LRP2: variants seen among roughly 807,000 people sequenced by gnomAD.
The protein encoded by LRP2 is low-density lipoprotein receptor-related protein 2.
Under a neutral mutation model 531.0 loss-of-function variants are expected in LRP2, and 172 were observed. That is an observed-to-expected ratio of 0.32 (90% CI 0.29 to 0.37). The LOEUF is 0.37. Among genes scored for constraint, LRP2 ranks in the 10% least tolerant of loss-of-function variants. LRP2 has a pLI of 1.00. For synonymous variants in LRP2, 1,992 were observed against 2,027.6 expected (o/e 0.98, Z 0.47); for missense variants, 5,167 against 5,868.3 (o/e 0.88, Z 3.90).
At chr2:169,247,593 G>A (rs1350760013) in intron 19 of LRP2, 78 bp from the exon 20 acceptor site, 1 of 1,457,998 alleles carries the variant, frequency 6.9e-7, no homozygotes, top group South Asian at 1.1e-5. Context: ...AATGCAATAG[G>A]CTTGAAATGC....
chr2:169,199,043 G>C (rs1688099756), intron 44 of LRP2, 132 bp from the exon 45 acceptor site: 2 of 851,300 alleles, frequency 2.3e-6, no homozygotes, highest in Non-Finnish European at 3.7e-6. Flanking sequence ...CCATCAGAAA[G>C]GCAGGATCCA....
At chr2:169,319,441 G>A (rs181047127) in intron 2 of LRP2, among the ~76,000 whole-genome samples, 8 of 152,242 alleles carry the variant, frequency 5.3e-5, no homozygotes, top group Non-Finnish European at 8.8e-5. Context: ...ATGTGAAAGC[G>A]CCATGTAATG....
At chr2:169,160,579 A>G (rs945296321) in intron 63 of LRP2, among the ~76,000 whole-genome samples, 2 of 152,006 alleles carry the variant, frequency 1.3e-5, no homozygotes, top group Non-Finnish European at 2.9e-5. Flanking sequence ...GCCTCAAATT[A>G]TTAGTCCAGA....
At chr2:169,294,421 C>T (rs1259563745) in intron 5 of LRP2, among the ~76,000 whole-genome samples, 160 bp from the exon 6 acceptor site, 1 of 152,080 alleles carries the variant, frequency 6.6e-6, no homozygotes, top group East Asian at 1.9e-4. Context: ...AACAAAAAGG[C>T]CCTGGTTTGT....
intron 1 of LRP2, among the ~76,000 whole-genome samples, chr2:169,330,089 C>G (rs1685225778): frequency 6.6e-6 from 1 of 152,148 alleles, no homozygotes; most frequent in African/African-American, 2.4e-5. Flanking sequence ...CATCCCTCCC[C>G]CACCACCACC....
At chr2:169,321,354 A>G (rs540032085) in intron 1 of LRP2, among the ~76,000 whole-genome samples, 10 of 152,156 alleles carry the variant, frequency 6.6e-5, no homozygotes, top group Admixed American at 2.0e-4. Context: ...ACATATTAGT[A>G]ACTTAAAAAA....
At position 169,307,297 on chromosome 2, in the gene LRP2, A is replaced by G. The variant is rs776024368; in HGVS notation, c.411T>C (p.Ala137=). 1.2e-6 allele frequency: 2 copies of G among 1,612,534 alleles called. No homozygotes were observed. The highest frequency in any genetic ancestry group is 3.3e-5 in the Admixed American group (2 of 60,004). Residue 137 remains alanine, a synonymous_variant, in exon 4 of 79, where the codon GCT becomes GCC. Coordinates refer to ENST00000649046, the MANE Select transcript of LRP2 (RefSeq NM_004525.3). ...CAGACTCACGGCAGTCATTCTCATC[A>G]GCTCCATCGGGGCAGTCTCTGACGT... ...CDHVRDCPDG[A]DENDCQYPTC...
intron 7 of LRP2, among the ~76,000 whole-genome samples, chr2:169,291,273 A>G (rs1239404332): frequency 6.6e-6 from 1 of 152,190 alleles, no homozygotes; most frequent in African/African-American, 2.4e-5. Context: ...ATTATCGACA[A>G]ACTAAATTCA....
chr2:169,255,000 A>G (rs1019908205), intron 19 of LRP2, among the ~76,000 whole-genome samples: 12 of 152,142 alleles, frequency 7.9e-5, no homozygotes, highest in Non-Finnish European at 1.0e-4. Flanking sequence ...AACAGACAGC[A>G]GGACAAGATA....
At chr2:169,335,962 C>T (rs1195701603) in intron 1 of LRP2, among the ~76,000 whole-genome samples, 1 of 150,890 alleles carries the variant, frequency 6.6e-6, no homozygotes, top group Non-Finnish European at 1.5e-5. Context: ...TTGCAGTGAG[C>T]CAAGATAGTG....
chr2:169,128,319 G>T lies in LRP2; in HGVS notation c.*344C>A. On this transcript the variant is annotated 3_prime_UTR_variant, in exon 79 of 79. Transcript: ENST00000649046. ...TCCCCAGTCAATTCCTTTTCTTGTT[G>T]GATCATTTACTATAATGATCACCAA... is the stretch of plus-strand genomic sequence containing the variant. 4.8e-6 allele frequency: 1 copy of T among 207,036 alleles called. No individual in the cohort carries two copies. Among genetic ancestry groups the T allele is most frequent in the Non-Finnish European group, 9.8e-6 (1 of 101,962 alleles). 12.8% of individuals were successfully genotyped at this position (207,036 alleles called of 1,614,324 possible).
In LRP2 at chr2:169,182,198, G is replaced by T. The variant is rs749543902; in HGVS notation, c.9967C>A (p.Pro3323Thr). 3 of 1,613,988 alleles carry T rather than the reference G, an allele frequency of 1.9e-6. No individual in the cohort carries two copies. The highest frequency in any genetic ancestry group is 2.5e-6 in the Non-Finnish European group (3 of 1,179,988). ...TGAGGGTGAAGGGCAAGTCCTCTGG[G>T]ATTATCAAAGCAGAAGGTGTTGTTG... ...DANNTFCFDNPRGLALHPQYG... is the reference protein window; with the variant it reads ...DANNTFCFDNTRGLALHPQYG... The change falls in exon 51 of 79, where the codon CCC becomes ACC. Residue 3323 changes from proline (P) to threonine (T), a missense_variant. Around this residue, in one of 6 missense-constraint regions of LRP2, gnomAD observed 1,129 missense variants for 1,362.7 expected, o/e 0.83. Coordinates refer to ENST00000649046, the MANE Select transcript of LRP2 (RefSeq NM_004525.3).
chr2:169,191,858 G>A lies in LRP2; in HGVS notation c.9006C>T (p.Tyr3002=), dbSNP rs757493211. 18 of 1,613,876 alleles carry A rather than the reference G, an allele frequency of 1.1e-5. No homozygotes were observed. The highest frequency in any genetic ancestry group is 4.4e-5 in the South Asian group (4 of 91,076). ...TCSENEFTCG[Y]GLCIPKIFRC... is the part of the protein sequence containing the mutation. The stretch of plus-strand genomic sequence containing the variant: ...TGAATATCTTTGGGATACACAGTCC[G>A]TAACCACAGGTGAATTCATTTTCAG... The change falls in exon 48 of 79, where the codon TAC becomes TAT. Residue 3002 remains tyrosine (Y), a synonymous_variant. Transcript: ENST00000649046.
In LRP2 at chr2:169,338,291, A is replaced by AAAAAAGG. The variant is rs141463223; in HGVS notation, c.80-17408_80-17407insCCTTTTT. ...AAAGAAAGAGAAAGAAAGAAAGAAA[A>AAAAAAGG]AAGGAAGGAAGAAAGAAAGAAAGAT... On this transcript the variant is annotated intron_variant, in intron 1 of 78. Transcript: ENST00000649046. 7.4e-3 allele frequency among the ~76,000 whole-genome samples: 1,067 copies of AAAAAAGG among 144,096 alleles called. 21 individuals are homozygous for AAAAAAGG. Among genetic ancestry groups the AAAAAAGG allele is most frequent in the African/African-American group, 0.026 (1,008 of 38,166 alleles). 94.5% of individuals were successfully genotyped at this position (144,096 alleles called of 152,430 possible). A position where few individuals can be genotyped will look rare whatever the true frequency, so the allele number is the denominator to read the frequency against.
chr2:169,160,406 A>G lies in LRP2; in HGVS notation c.11887+2066T>C, dbSNP rs1247958360. Among the ~76,000 whole-genome samples, 2 of 152,158 alleles carry G rather than the reference A, an allele frequency of 1.3e-5. 1 individual carries two copies. Among genetic ancestry groups the G allele is most frequent in the Non-Finnish European group, 2.9e-5 (2 of 68,028 alleles). ...GTATACCTTCAATTTTAAAAAATCG[A>G]ACAATGTGTCTTAAACACTTCAGTG... On this transcript the variant is annotated intron_variant, in intron 63 of 78. Coordinates refer to ENST00000649046, the MANE Select transcript of LRP2 (RefSeq NM_004525.3).
chr2:169,262,749 A>G lies in LRP2; in HGVS notation c.2321-3532T>C, dbSNP rs1179353346. Among the ~76,000 whole-genome samples, 271 of 150,454 alleles carry G rather than the reference A, an allele frequency of 1.8e-3. 3 individuals are homozygous for G. The highest frequency in any genetic ancestry group is 6.3e-3 in the African/African-American group (260 of 41,236). Reference sequence around the variant, plus strand: ...TCACAGAATTGGAAAAAACTACTTTAAAGCTCATATGGAACCAAAAAAGAG... The same window carrying G: ...TCACAGAATTGGAAAAAACTACTTTGAAGCTCATATGGAACCAAAAAAGAG... On this transcript the variant is annotated intron_variant, in intron 16 of 78. Transcript: ENST00000649046.
At chr2:169,338,378 A>AAG (rs1685471653) in intron 1 of LRP2, among the ~76,000 whole-genome samples, 1 of 125,142 alleles carries the variant, frequency 8.0e-6, no homozygotes, top group Non-Finnish European at 1.7e-5. Flanking sequence ...GAAAGAAAGA[A>AAG]AGAAAGAAAG....
chr2:169,162,341 G>A (rs1192696700), intron 63 of LRP2, 131 bp downstream of exon 63: 14 of 1,009,470 alleles, frequency 1.4e-5, no homozygotes, highest in Admixed American at 3.5e-5. Context: ...CTAGCTATGG[G>A]CTTGACTGGA....
rs1412014234 is a variant in LRP2, at chr2:169,362,394, A to G, written c.6T>C (p.Asp2=). Residue 2 remains aspartate, a synonymous_variant, in exon 1 of 79, where the codon GAT becomes GAC. Coordinates refer to ENST00000649046, the MANE Select transcript of LRP2 (RefSeq NM_004525.3). ...TGCACGCCACTGCTGCCGGCCCGCG[A>G]TCCATCTCCGCGACGGTCCCCGGCC... is the stretch of plus-strand genomic sequence containing the variant. M[D]RGPAAVACTL... 6.4e-7 allele frequency: 1 copy of G among 1,563,102 alleles called. No homozygotes were observed.
Sources: allele counts gnomAD v4.1 joint callset (sites outside exome capture counted in the v4.1 genomes callset), GRCh38; gene constraint gnomAD v4.1.1; regional missense constraint gnomAD v4.1.1; transcripts MANE v1.5; gene names NCBI Gene and HGNC (gene_info 2026-07-23, HGNC 2026-07-21).